SSPN: variants seen among roughly 807,000 people sequenced by gnomAD.
SSPN encodes sarcospan.
In SSPN, 15 loss-of-function variants were observed where a neutral mutation model predicts 19.1. The ratio of observed to expected loss-of-function variants is 0.78; its 90% CI spans 0.52 to 1.21. SSPN has a LOEUF of 1.21. Among genes scored for constraint, SSPN ranks in the 50% most tolerant of loss-of-function variants. The pLI, the probability that SSPN is intolerant of heterozygous loss-of-function variation, is 0.00. For synonymous variants in SSPN, 147 were observed against 140.3 expected (o/e 1.05, Z -0.34); for missense variants, 291 against 314.0 (o/e 0.93, Z 0.55).
intron 1 of SSPN, among the ~76,000 whole-genome samples, chr12:26,223,743 A>G (rs1457716033): frequency 6.6e-6 from 1 of 152,228 alleles, no homozygotes; most frequent in East Asian, 1.9e-4. Flanking sequence ...AATACAATAT[A>G]AAACAATTAC....
chr12:26,233,331 G>GATAGATATATATATATATATATAT lies in SSPN; in HGVS notation c.*2258_*2259insGATATATATATATATATATATATA, dbSNP rs1945254266. 1 of 144,696 alleles carries GATAGATATATATATATATATATAT rather than the reference G, an allele frequency of 6.9e-6. No homozygotes were observed. Among genetic ancestry groups the GATAGATATATATATATATATATAT allele is most frequent in the African/African-American group, 2.7e-5 (1 of 36,616 alleles). The allele number at this position is 144,696 out of a possible 1,614,324, so 9.0% of individuals were successfully genotyped here. Reference sequence around the variant, plus strand: ...CTTTATAATAGTATAACCGTCAGGAGATATATATATATATATATACACATA... The same window carrying GATAGATATATATATATATATATAT: ...CTTTATAATAGTATAACCGTCAGGAGATAGATATATATATATATATATATATATATATATATATATATACACATA... On this transcript the variant is annotated 3_prime_UTR_variant, in exon 3 of 3. Transcript: ENST00000242729. The surrounding 1 kb of genome is among the most constrained non-coding windows in gnomAD (Gnocchi z 4.3).
chr12:26,135,776 G>T (rs1429572440), intron 1 of SSPN, among the ~76,000 whole-genome samples: 1 of 152,154 alleles, frequency 6.6e-6, no homozygotes, highest in Non-Finnish European at 1.5e-5. Context: ...CCATCAGCAG[G>T]CCTGGGTCTG....
At chr12:26,185,178 T>G (rs1401735194) in intron 1 of SSPN, among the ~76,000 whole-genome samples, 1 of 152,170 alleles carries the variant, frequency 6.6e-6, no homozygotes, top group Admixed American at 6.5e-5. Context: ...AATATCTCAG[T>G]ATGGGCTGCC....
intron 1 of SSPN, among the ~76,000 whole-genome samples, chr12:26,169,031 G>GAAA (rs57319271): frequency 0.41 from 60,048 of 145,166 alleles, 13,429 homozygotes; most frequent in African/African-American, 0.6. Context: ...GCCTCATTTT[G>GAAA]AAAAAAAAAA....
rs1195288213 is a variant in SSPN, at chr12:26,231,044, A to G, written c.700A>G (p.Thr234Ala). The G allele has an allele frequency of 6.2e-7, 1 of 1,613,668 alleles. No homozygotes were observed. The highest frequency in any genetic ancestry group is 8.5e-7 in the Non-Finnish European group (1 of 1,179,744). ...FYVGVRICSL[T>A]ASEGPQQKI ...TGTGGGTGTCAGGATATGCTCCCTC[A>G]CGGCTTCCGAAGGCCCCCAGCAAAA... is the stretch of plus-strand genomic sequence containing the variant. The change falls in exon 3 of 3, where the codon ACG becomes GCG. Residue 234 changes from threonine (T) to alanine (A), a missense_variant. This residue lies in a region of SSPN where 141 missense variants were observed against 166.7 expected (regional missense o/e 0.85). Coordinates refer to ENST00000242729, the MANE Select transcript of SSPN (RefSeq NM_005086.5).
intron 1 of SSPN, among the ~76,000 whole-genome samples, chr12:26,183,719 A>T (rs1358259672): frequency 6.6e-6 from 1 of 152,196 alleles, no homozygotes; most frequent in Non-Finnish European, 1.5e-5. Context: ...CTTCCTCATG[A>T]ATCCCTGAGG....
At chr12:26,179,891 T>C (rs1445965836) in intron 1 of SSPN, 2 of 149,856 alleles carry the variant, frequency 1.3e-5, no homozygotes, top group East Asian at 2.0e-4. Context: ...GCTCAAATGA[T>C]AAATGATTGG....
In SSPN at chr12:26,230,921, C is replaced by G; in HGVS notation, c.577C>G (p.Leu193Val). The G allele has an allele frequency of 6.2e-7, 1 of 1,614,194 alleles. No individual in the cohort carries two copies. Among genetic ancestry groups the G allele is most frequent in the Non-Finnish European group, 8.5e-7 (1 of 1,180,034 alleles). The change falls in exon 3 of 3, where the codon CTG (leucine) becomes GTG (valine). Residue 193 changes from leucine (L) to valine (V), a missense_variant. Physicochemically the swap from Leu to Val is conservative, Grantham distance 32 (BLOSUM62 1). Around this residue, in one of 3 missense-constraint regions of SSPN, gnomAD observed 141 missense variants for 166.7 expected, o/e 0.85. Coordinates refer to ENST00000242729, the MANE Select transcript of SSPN (RefSeq NM_005086.5). Reference protein sequence around the residue: ...DCTSVTGTFKLFLLIQMILNL... With the variant: ...DCTSVTGTFKVFLLIQMILNL... The stretch of plus-strand genomic sequence containing the variant: ...TACCAGCGTCACTGGCACTTTCAAA[C>G]TGTTCTTACTCATCCAGATGATTCT...
chr12:26,135,458 A>G (rs1944419993), intron 1 of SSPN, among the ~76,000 whole-genome samples: 1 of 152,130 alleles, frequency 6.6e-6, no homozygotes, highest in Non-Finnish European at 1.5e-5. Context: ...GTCAGTACAG[A>G]CAAAAGAGAG....
chr12:26,193,394 A>G (rs1944800970), upstream of SSPN, among the ~76,000 whole-genome samples: 1 of 152,346 alleles, frequency 6.6e-6, no homozygotes, highest in Middle Eastern at 3.4e-3. Flanking sequence ...AGTGGAAACT[A>G]TAATTATAAG....
At chr12:26,223,245 T>A (rs1945141739) in intron 1 of SSPN, among the ~76,000 whole-genome samples, 1 of 152,210 alleles carries the variant, frequency 6.6e-6, no homozygotes, top group South Asian at 2.1e-4. Flanking sequence ...AGTTTCGCTC[T>A]TGTTACCCAG....
intron 1 of SSPN, among the ~76,000 whole-genome samples, chr12:26,219,235 C>T (rs1199334221): frequency 6.6e-6 from 1 of 151,986 alleles, no homozygotes; most frequent in Non-Finnish European, 1.5e-5. Flanking sequence ...AATATAAATA[C>T]ATATGACATG....
intron 1 of SSPN, among the ~76,000 whole-genome samples, chr12:26,197,736 C>CATTAT (rs1944842632): frequency 6.6e-6 from 1 of 152,196 alleles, no homozygotes. Context: ...GCACAAAGGG[C>CATTAT]ATTATATACA....
chr12:26,195,456 C>A, upstream of SSPN: 1 of 830,470 alleles, frequency 1.2e-6, no homozygotes, highest in Non-Finnish European at 1.6e-6. Context: ...GGCGCTGCGT[C>A]CCGGCGCGTT....
At chr12:26,210,817 A>G (rs941817942) in intron 1 of SSPN, among the ~76,000 whole-genome samples, 58 of 152,150 alleles carry the variant, frequency 3.8e-4, no homozygotes, top group African/African-American at 1.3e-3. Context: ...AGTCCTTAAT[A>G]TTATGCAGAA....
intron 1 of SSPN, among the ~76,000 whole-genome samples, chr12:26,201,081 C>G (rs1038238370): frequency 8.2e-6 from 1 of 122,538 alleles, no homozygotes; most frequent in Non-Finnish European, 1.6e-5. Context: ...ATGGAATATT[C>G]AAGAATTTGG....
At chr12:26,181,470 G>A (rs1944718444) in intron 1 of SSPN, among the ~76,000 whole-genome samples, 1 of 152,118 alleles carries the variant, frequency 6.6e-6, no homozygotes, top group South Asian at 2.1e-4. Flanking sequence ...TAATATTATA[G>A]TTGTTTTCTC....
chr12:26,224,483 A>G (rs1945157146), intron 2 of SSPN, 104 bp downstream of exon 2: 2 of 1,030,494 alleles, frequency 1.9e-6, no homozygotes, highest in Admixed American at 3.7e-5. Context: ...ATTAGTCTAG[A>G]AATTGCATTT....
At chr12:26,186,712 T>G (rs4963970) in intron 1 of SSPN, among the ~76,000 whole-genome samples, 6,083 of 152,310 alleles carry the variant, frequency 0.04, 158 homozygotes, top group South Asian at 0.083. Context: ...ACCTTCACTT[T>G]TAAGAGATAG....
Sources: allele counts gnomAD v4.1 joint callset (sites outside exome capture counted in the v4.1 genomes callset), GRCh38; gene constraint gnomAD v4.1.1; regional missense constraint gnomAD v4.1.1; non-coding constraint Gnocchi (gnomAD v3.1); transcripts MANE v1.5; gene names NCBI Gene and HGNC (gene_info 2026-07-23, HGNC 2026-07-21).